Variants in TMEM181 observed in about 807,000 individuals in gnomAD.
The protein encoded by TMEM181 is G protein-coupled receptor 178.
In TMEM181, 39 loss-of-function variants were observed where a neutral mutation model predicts 71.9. The observed-to-expected ratio is 0.54, with a 90% CI of 0.42 to 0.71. The LOEUF is 0.71. Ranked by LOEUF, TMEM181 falls within the 30% of genes least tolerant of loss-of-function variation. The pLI, the probability that TMEM181 is intolerant of heterozygous loss-of-function variation, is 0.00. For synonymous variants in TMEM181, 245 were observed against 228.8 expected (o/e 1.07, Z -0.64); for missense variants, 595 against 583.0 (o/e 1.02, Z -0.21).
intron 1 of TMEM181, among the ~76,000 whole-genome samples, chr6:158,563,499 T>C (rs1782305213): frequency 6.6e-6 from 1 of 152,172 alleles, no homozygotes. Flanking sequence ...CTGCAGTGGA[T>C]AGGTCCAGGC....
upstream of TMEM181, among the ~76,000 whole-genome samples, chr6:158,558,276 C>G (rs957250080): frequency 2.0e-5 from 3 of 152,196 alleles, no homozygotes; most frequent in Non-Finnish European, 4.4e-5. Flanking sequence ...CTGGCTGCCT[C>G]TAGGCAAATG....
intron 6 of TMEM181, among the ~76,000 whole-genome samples, chr6:158,591,868 C>T (rs1365235496): frequency 6.6e-6 from 1 of 152,036 alleles, no homozygotes. Context: ...ATCTATGTTT[C>T]CTCTTAAAGT....
intron 10 of TMEM181, among the ~76,000 whole-genome samples, chr6:158,618,671 T>A (rs1785768147): frequency 6.6e-6 from 1 of 152,242 alleles, no homozygotes; most frequent in African/African-American, 2.4e-5. Context: ...TCAGGAGCTC[T>A]TGTAAGGCAG....
chr6:158,625,705 C>T lies in TMEM181; in HGVS notation c.1060C>T (p.Leu354Phe). The change falls in exon 13 of 17, where the codon CTC becomes TTC. Residue 354 changes from leucine (L) to phenylalanine (F), a missense_variant and splice_region_variant. Physicochemically the swap from Leu to Phe is conservative, Grantham distance 22. Transcript: ENST00000684151. ...SELRHMPYVD[L>F]RLKFLTALTF... is the part of the protein sequence containing the mutation. ...TAATGAGTTTCTTTCTTTTTCAGAT[C>T]TCAGGTTGAAATTTTTGACTGCATT... The T allele has an allele frequency of 2.5e-6, 4 of 1,609,026 alleles. No homozygotes were observed. The highest frequency in any genetic ancestry group is 1.7e-4 in the Middle Eastern group (1 of 6,048).
chr6:158,598,896 C>T (rs1174769595), intron 6 of TMEM181, among the ~76,000 whole-genome samples: 1 of 151,998 alleles, frequency 6.6e-6, no homozygotes, highest in Non-Finnish European at 1.5e-5. Flanking sequence ...CTCCTGACCT[C>T]GTGATCCGCC....
chr6:158,559,118 C>T (rs371623673), upstream of TMEM181, among the ~76,000 whole-genome samples: 11 of 151,934 alleles, frequency 7.2e-5, no homozygotes, highest in East Asian at 1.7e-3. Flanking sequence ...CTTTTAACCC[C>T]CCTCTTCCTA....
chr6:158,555,841 G>A (rs1009850084), upstream of TMEM181, among the ~76,000 whole-genome samples: 5 of 150,802 alleles, frequency 3.3e-5, no homozygotes, highest in African/African-American at 4.9e-5. Context: ...ACTAGCCATC[G>A]TGCGCCCACC....
In TMEM181 at chr6:158,620,668, G is replaced by A. The variant is rs866383756; in HGVS notation, c.897-2882G>A. On this transcript the variant is annotated intron_variant, in intron 10 of 16. Transcript: ENST00000684151. This position sits in a 1 kb window ranked among gnomAD's most constrained non-coding sequence, Gnocchi z 4.5. ...AGTCCCCTTCAGATTAGTTGTCCTC[G>A]CACAAATTGCTGGAAGAGTGAAGTG... 1.3e-5 allele frequency among the ~76,000 whole-genome samples: 2 copies of A among 151,734 alleles called. No homozygotes were observed. Among genetic ancestry groups the A allele is most frequent in the African/African-American group, 2.4e-5 (1 of 41,262 alleles).
At chr6:158,570,523 G>A (rs1024600212) in intron 1 of TMEM181, among the ~76,000 whole-genome samples, 7 of 152,038 alleles carry the variant, frequency 4.6e-5, no homozygotes, top group Non-Finnish European at 7.4e-5. Context: ...TTACAGGCAT[G>A]AGCCACTGCG....
chr6:158,614,265 T>C (rs929978416), intron 10 of TMEM181, among the ~76,000 whole-genome samples: 11 of 152,214 alleles, frequency 7.2e-5, no homozygotes, highest in African/African-American at 2.7e-4. Flanking sequence ...TGTTGAAAAT[T>C]TGAAACACTT....
chr6:158,562,152 C>G (rs907677188), intron 1 of TMEM181, among the ~76,000 whole-genome samples: 16 of 152,200 alleles, frequency 1.1e-4, no homozygotes, highest in Non-Finnish European at 2.2e-4. Flanking sequence ...CTCTGACTCT[C>G]ATTCGGCCCA....
intron 1 of TMEM181, among the ~76,000 whole-genome samples, chr6:158,550,793 A>C (rs1268073539): frequency 6.6e-6 from 1 of 152,028 alleles, no homozygotes; most frequent in Admixed American, 6.6e-5. Context: ...TCTACAGGCA[A>C]ATAACTAGAA....
chr6:158,603,630 A>AT (rs1754491730), intron 6 of TMEM181, among the ~76,000 whole-genome samples: 1 of 127,290 alleles, frequency 7.9e-6, no homozygotes, highest in South Asian at 2.4e-4. Flanking sequence ...GATAGCTTCT[A>AT]TTGCTGTGCC....
chr6:158,576,385 A>T (rs906233097), intron 2 of TMEM181, among the ~76,000 whole-genome samples: 1 of 152,128 alleles, frequency 6.6e-6, no homozygotes, highest in Non-Finnish European at 1.5e-5. Context: ...CGAAGTAAGA[A>T]TGGCTGCTGT....
chr6:158,561,201 C>T (rs1782153802), intron 1 of TMEM181, among the ~76,000 whole-genome samples: 1 of 152,222 alleles, frequency 6.6e-6, no homozygotes, highest in African/African-American at 2.4e-5. Context: ...AGAAGTGACA[C>T]CCAGGCCTGT....
chr6:158,593,275 T>A (rs1016973337), intron 6 of TMEM181, among the ~76,000 whole-genome samples: 3 of 152,222 alleles, frequency 2.0e-5, no homozygotes, highest in Admixed American at 2.0e-4. Context: ...AAACTATATA[T>A]ACTGATTTAA....
chr6:158,548,317 G>A (rs1351981483), intron 1 of TMEM181, among the ~76,000 whole-genome samples: 1 of 152,116 alleles, frequency 6.6e-6, no homozygotes, highest in African/African-American at 2.4e-5. Flanking sequence ...AAATTGACAT[G>A]GAAACTATTG....
intron 10 of TMEM181, chr6:158,611,474 C>A: frequency 1.9e-6 from 1 of 532,392 alleles, no homozygotes; most frequent in South Asian, 1.4e-5. Context: ...GTTCCTCAGT[C>A]GTATCATTCT....
chr6:158,591,532 A>T (rs1370394800), intron 6 of TMEM181, among the ~76,000 whole-genome samples: 1 of 151,790 alleles, frequency 6.6e-6, no homozygotes, highest in Non-Finnish European at 1.5e-5. Context: ...TCCGATTAGT[A>T]TTCTGCTTGT....
Sources: gnomAD v4.1 joint callset for allele counts (sites outside exome capture counted in the v4.1 genomes callset) on GRCh38, gnomAD v4.1.1 for gene constraint, Gnocchi (gnomAD v3.1) non-coding constraint, MANE v1.5 for transcripts, NCBI Gene and HGNC (gene_info 2026-07-23, HGNC 2026-07-21) for gene names.